Variants in GPIHBP1 observed in about 807,000 individuals in gnomAD.
The protein encoded by GPIHBP1 is glycosylphosphatidylinositol-anchored high density lipoprotein-binding protein 1.
Under a neutral mutation model 13.0 loss-of-function variants are expected in GPIHBP1, and 11 were observed. The observed-to-expected ratio is 0.84, with a 90% CI of 0.53 to 1.40. The LOEUF (loss-of-function observed/expected upper bound fraction) is 1.40. Ranked by LOEUF, GPIHBP1 falls within the 40% of genes most tolerant of loss-of-function variation. GPIHBP1 has a pLI of 0.00. For synonymous variants in GPIHBP1, 106 were observed against 102.2 expected, an observed-to-expected ratio of 1.04 and a Z score of -0.22; for missense variants, 231 against 241.1, an observed-to-expected ratio of 0.96 and a Z score of 0.28.
chr8:143,214,995 AG>A lies in GPIHBP1; in HGVS notation c.182-17del, dbSNP rs912544443. 5 of 1,535,360 alleles carry A rather than the reference AG, an allele frequency of 3.3e-6. No individual in the cohort carries two copies. In the African/African-American group the frequency reaches 5.5e-5, roughly 17 times the overall value. On this transcript the variant is annotated splice_polypyrimidine_tract_variant and intron_variant, in intron 2 of 3. Transcript: ENST00000622500. This position sits in a 1 kb window ranked among gnomAD's most constrained non-coding sequence, Gnocchi z 4.1. The stretch of plus-strand genomic sequence containing the variant: ...CCCTGGGGGGCCCGGCCTCGGCCTG[AG>A]CCCGCCTTGTCCCCAGTGCTGCTGC...
rs778925891 is a variant in GPIHBP1 at position 143,213,968 on chromosome 8, C to G, written c.181+18C>G. ...GAGCAGAGGTATGGCCGCCCCAACCCCAGAGCCCTGCTGCCTGATCTGCCT... is the reference window on the plus strand; with the variant it reads ...GAGCAGAGGTATGGCCGCCCCAACCGCAGAGCCCTGCTGCCTGATCTGCCT... On this transcript the variant is annotated intron_variant, in intron 2 of 3. Transcript: ENST00000622500. 2 of 1,550,026 alleles carry G rather than the reference C, an allele frequency of 1.3e-6. No homozygotes were observed. Among genetic ancestry groups the G allele is most frequent in the South Asian group, 1.2e-5 (1 of 84,002 alleles).
At position 143,215,022 on chromosome 8, in the gene GPIHBP1, G is replaced by A. The variant is rs578073937; in HGVS notation, c.191G>A (p.Arg64Gln). 9.4e-5 allele frequency: 148 copies of A among 1,575,400 alleles called. No homozygotes were observed. The highest frequency in any genetic ancestry group is 1.2e-4 in the Non-Finnish European group (135 of 1,160,934). The change falls in exon 3 of 4, where the codon CGG becomes CAG. Residue 64 changes from arginine to glutamine, a missense_variant. Coordinates refer to ENST00000622500, the MANE Select transcript of GPIHBP1 (RefSeq NM_178172.6). ...LPGGRSRVLL[R>Q]CYTCKSLPRD... ...CCCGCCTTGTCCCCAGTGCTGCTGC[G>A]GTGCTACACCTGCAAGTCCCTGCCC...
In GPIHBP1 at chr8:143,213,925, C is replaced by T; in HGVS notation, c.156C>T (p.Asn52=). 1 of 1,551,480 alleles carries T rather than the reference C, an allele frequency of 6.4e-7. No individual in the cohort carries two copies. Among genetic ancestry groups the T allele is most frequent in the Non-Finnish European group, 8.7e-7 (1 of 1,147,034 alleles). ...ATGAGGTGGAAGAGGAGGAGACCAA[C>T]AGGCTCCCTGGTGGCAGGAGCAGAG... ...DEDEVEEEET[N]RLPGGRSRVL... is the part of the protein sequence containing the mutation. Residue 52 remains asparagine, a synonymous_variant, in exon 2 of 4, where the codon AAC becomes AAT. Coordinates refer to ENST00000622500, the MANE Select transcript of GPIHBP1 (RefSeq NM_178172.6).
At position 143,213,279 on chromosome 8, in the gene GPIHBP1, C is replaced by G; in HGVS notation, c.12C>G (p.Leu4=). The change falls in exon 1 of 4, where the codon CTC becomes CTG. Residue 4 remains leucine, a synonymous_variant. Coordinates refer to ENST00000622500, the MANE Select transcript of GPIHBP1 (RefSeq NM_178172.6). MKA[L]GAVLLALLLF... ...CAGCGTCCGGCGAGATGAAGGCGCT[C>G]GGGGCTGTCCTGCTTGCCCTCTTGC... 1 of 1,595,784 alleles carries G rather than the reference C, an allele frequency of 6.3e-7. No homozygotes were observed. Among genetic ancestry groups the G allele is most frequent in the Non-Finnish European group, 8.5e-7 (1 of 1,175,340 alleles).
chr8:143,213,402 G>T, intron 1 of GPIHBP1, 83 bp downstream of exon 1: 1 of 1,185,880 alleles, frequency 8.4e-7, no homozygotes, highest in Non-Finnish European at 1.2e-6. Context: ...CCCCCAGCAG[G>T]GGCTTAGGAA....
intron 1 of GPIHBP1, 106 bp from the exon 2 acceptor site, chr8:143,213,716 G>C: frequency 2.0e-6 from 3 of 1,492,728 alleles, no homozygotes; most frequent in Non-Finnish European, 1.8e-6. Flanking sequence ...CCTGGGGCCC[G>C]AGGATGGCTG....
Position 143,214,998 on chromosome 8 carries a change from C to G in GPIHBP1, c.182-15C>G, listed in dbSNP as rs768749238. 7 of 1,543,434 alleles carry G rather than the reference C, an allele frequency of 4.5e-6. No homozygotes were observed. The Admixed American group carries it at 1.4e-4, about 30-fold the overall frequency. The stretch of plus-strand genomic sequence containing the variant: ...TGGGGGGCCCGGCCTCGGCCTGAGC[C>G]CGCCTTGTCCCCAGTGCTGCTGCGG... On this transcript the variant is annotated splice_polypyrimidine_tract_variant and intron_variant, in intron 2 of 3. Transcript: ENST00000622500. The surrounding 1 kb of genome is among the most constrained non-coding windows in gnomAD (Gnocchi z 4.1).
chr8:143,214,958 C>G lies in GPIHBP1; in HGVS notation c.182-55C>G. The G allele has an allele frequency of 8.4e-7, 1 of 1,193,342 alleles. No individual in the cohort carries two copies. Among genetic ancestry groups the G allele is most frequent in the Non-Finnish European group, 1.2e-6 (1 of 824,240 alleles). The allele number at this position is 1,193,342 out of a possible 1,614,324, so 73.9% of individuals were successfully genotyped here. ...CTGAGAACGGGGAGGTGGACAGGGA[C>G]GTGGGAGGAGACCCTGGGGGGCCCG... On this transcript the variant is annotated intron_variant, in intron 2 of 3. Coordinates refer to ENST00000622500, the MANE Select transcript of GPIHBP1 (RefSeq NM_178172.6). This position sits in a 1 kb window ranked among gnomAD's most constrained non-coding sequence, Gnocchi z 4.1.
chr8:143,213,452 C>G (rs1816251050), intron 1 of GPIHBP1, 133 bp downstream of exon 1: 2 of 789,502 alleles, frequency 2.5e-6, no homozygotes, highest in Non-Finnish European at 4.1e-6. Context: ...CCCAGAGCAG[C>G]ATGGATGGAA....
chr8:143,214,311 T>C lies in GPIHBP1; in HGVS notation c.181+361T>C, dbSNP rs1252711184. Among the ~76,000 whole-genome samples the C allele has an allele frequency of 6.6e-6, 1 of 151,982 alleles. No homozygotes were observed. Among genetic ancestry groups the C allele is most frequent in the Admixed American group, 6.6e-5 (1 of 15,248 alleles). Reference sequence around the variant, plus strand: ...AGAGAGCAGCAGGGTGGGCCGGTCCTGTACAGGGGAGGGCTGGATTGGCTG... The same window carrying C: ...AGAGAGCAGCAGGGTGGGCCGGTCCCGTACAGGGGAGGGCTGGATTGGCTG... On this transcript the variant is annotated intron_variant, in intron 2 of 3. Transcript: ENST00000622500. The surrounding 1 kb of genome is among the most constrained non-coding windows in gnomAD (Gnocchi z 4.1).
chr8:143,215,682 C>T lies in GPIHBP1; in HGVS notation c.*164C>T. The stretch of plus-strand genomic sequence containing the variant: ...CCCGGCCCGGTTGCTTCCTCAGTTC[C>T]CGGCTGTGTCCTTGGTGTCCTTTCT... On this transcript the variant is annotated 3_prime_UTR_variant, in exon 4 of 4. Coordinates refer to ENST00000622500, the MANE Select transcript of GPIHBP1 (RefSeq NM_178172.6). 1 of 631,606 alleles carries T rather than the reference C, an allele frequency of 1.6e-6. No individual in the cohort carries two copies. The allele number at this position is 631,606 out of a possible 1,614,324, so 39.1% of individuals were successfully genotyped here.
In GPIHBP1 at chr8:143,215,736, C is replaced by T. The variant is rs1816298838; in HGVS notation, c.*218C>T. On this transcript the variant is annotated 3_prime_UTR_variant, in exon 4 of 4. Transcript: ENST00000622500. ...CCACCTGTGAGCAGCAAGACTGCCGCACGTGGGCGCTGGGTCCAGACCTCG... is the reference window on the plus strand; with the variant it reads ...CCACCTGTGAGCAGCAAGACTGCCGTACGTGGGCGCTGGGTCCAGACCTCG... 1.7e-6 allele frequency: 1 copy of T among 594,936 alleles called. No individual in the cohort carries two copies. Among genetic ancestry groups the T allele is most frequent in the South Asian group, 2.0e-5 (1 of 49,384 alleles). The allele number at this position is 594,936 out of a possible 1,614,324, so 36.9% of individuals were successfully genotyped here. A position where few individuals can be genotyped will look rare whatever the true frequency, so the allele number is the denominator to read the frequency against.
At position 143,213,233 on chromosome 8, in the gene GPIHBP1, G is replaced by A. The variant is rs899380026; in HGVS notation, c.-35G>A. On this transcript the variant is annotated 5_prime_UTR_variant, in exon 1 of 4. Coordinates refer to ENST00000622500, the MANE Select transcript of GPIHBP1 (RefSeq NM_178172.6). Reference sequence around the variant, plus strand: ...CCGCAGCTCCAGAGCCCTGCGGGAGGACTCAGAGTCAGGGACACAGCAGCG... The same window carrying A: ...CCGCAGCTCCAGAGCCCTGCGGGAGAACTCAGAGTCAGGGACACAGCAGCG... The A allele has an allele frequency of 2.5e-6, 4 of 1,576,476 alleles. No homozygotes were observed. The highest frequency in any genetic ancestry group is 2.6e-6 in the Non-Finnish European group (3 of 1,164,118).
In GPIHBP1 at chr8:143,213,262, G is replaced by A. The variant is rs113068416; in HGVS notation, c.-6G>A. The A allele has an allele frequency of 1.3e-5, 21 of 1,593,062 alleles. No homozygotes were observed. Among genetic ancestry groups the A allele is most frequent in the African/African-American group, 2.7e-5 (2 of 74,868 alleles). ...CAGAGTCAGGGACACAGCAGCGTCC[G>A]GCGAGATGAAGGCGCTCGGGGCTGT... On this transcript the variant is annotated 5_prime_UTR_variant, in exon 1 of 4. Coordinates refer to ENST00000622500, the MANE Select transcript of GPIHBP1 (RefSeq NM_178172.6).
Position 143,215,116 on chromosome 8 carries a change from C to G in GPIHBP1, c.285C>G (p.His95Gln). 6.2e-7 allele frequency: 1 copy of G among 1,612,406 alleles called. No individual in the cohort carries two copies. Among genetic ancestry groups the G allele is most frequent in the East Asian group, 2.2e-5 (1 of 44,872 alleles). ...HGQTCTTLIA[H>Q]GNTESGLLTT... ...AGACCTGCACAACCCTCATTGCCCACGGGAACACCGGTAAGTGGGCGTGGG... is the reference window on the plus strand; with the variant it reads ...AGACCTGCACAACCCTCATTGCCCAGGGGAACACCGGTAAGTGGGCGTGGG... The change falls in exon 3 of 4, where the codon CAC becomes CAG. Residue 95 changes from histidine (H) to glutamine (Q), a missense_variant. Physicochemically the swap from His to Gln is conservative, Grantham distance 24. Coordinates refer to ENST00000622500, the MANE Select transcript of GPIHBP1 (RefSeq NM_178172.6).
At position 143,213,869 on chromosome 8, in the gene GPIHBP1, G is replaced by T. The variant is rs367902033; in HGVS notation, c.100G>T (p.Gly34Trp). ...QEEEEEDEDH[G>W]PDDYDEEDED... ...GGAAGAGGAAGAGGACGAGGACCAC[G>T]GGCCAGATGACTACGACGAGGAAGA... The change falls in exon 2 of 4, where the codon GGG (glycine) becomes TGG (tryptophan). Residue 34 changes from glycine (G) to tryptophan (W), a missense_variant. Physicochemically the swap from Gly to Trp is radical, Grantham distance 184 (BLOSUM62 -2). Coordinates refer to ENST00000622500, the MANE Select transcript of GPIHBP1 (RefSeq NM_178172.6). 7 of 1,555,004 alleles carry T rather than the reference G, an allele frequency of 4.5e-6. No individual in the cohort carries two copies. Among genetic ancestry groups the T allele is most frequent in the East Asian group, 2.4e-5 (1 of 41,184 alleles).
Position 143,213,963 on chromosome 8 carries a change from C to T in GPIHBP1, c.181+13C>T. ...GGCAGGAGCAGAGGTATGGCCGCCC[C>T]AACCCCAGAGCCCTGCTGCCTGATC... is the stretch of plus-strand genomic sequence containing the variant. On this transcript the variant is annotated intron_variant, in intron 2 of 3. Coordinates refer to ENST00000622500, the MANE Select transcript of GPIHBP1 (RefSeq NM_178172.6). The T allele has an allele frequency of 2.6e-6, 4 of 1,550,350 alleles. No individual in the cohort carries two copies. The highest frequency in any genetic ancestry group is 3.5e-6 in the Non-Finnish European group (4 of 1,146,786).
Position 143,214,815 on chromosome 8 carries a change from G to GC in GPIHBP1, c.182-193dup, listed in dbSNP as rs1816275844. Among the ~76,000 whole-genome samples the GC allele has an allele frequency of 6.6e-6, 1 of 152,180 alleles. No individual in the cohort carries two copies. The highest frequency in any genetic ancestry group is 1.5e-5 in the Non-Finnish European group (1 of 68,022). The stretch of plus-strand genomic sequence containing the variant: ...CGCCCTGCCTGACCCGCAATCCCTT[G>GC]CCCCCTAAACACACAGGCTCACGCA... On this transcript the variant is annotated intron_variant, in intron 2 of 3. Coordinates refer to ENST00000622500, the MANE Select transcript of GPIHBP1 (RefSeq NM_178172.6). This position sits in a 1 kb window ranked among gnomAD's most constrained non-coding sequence, Gnocchi z 4.1.
Position 143,215,606 on chromosome 8 carries a change from C to A in GPIHBP1, c.*88C>A. The A allele has an allele frequency of 8.6e-7, 1 of 1,162,078 alleles. No individual in the cohort carries two copies. Among genetic ancestry groups the A allele is most frequent in the Non-Finnish European group, 1.2e-6 (1 of 831,982 alleles). 72.0% of individuals were successfully genotyped at this position (1,162,078 alleles called of 1,614,324 possible). A position where few individuals can be genotyped will look rare whatever the true frequency, so the allele number is the denominator to read the frequency against. ...CCTTCCCCTCCTGCCCCTGCACCAG[C>A]TTTGGAGAATGGATTTGGAGTGTCT... On this transcript the variant is annotated 3_prime_UTR_variant, in exon 4 of 4. Coordinates refer to ENST00000622500, the MANE Select transcript of GPIHBP1 (RefSeq NM_178172.6).
Sources: gnomAD v4.1 joint callset for allele counts (sites outside exome capture counted in the v4.1 genomes callset) on GRCh38, gnomAD v4.1.1 for gene constraint, Gnocchi (gnomAD v3.1) non-coding constraint, MANE v1.5 for transcripts, NCBI Gene and HGNC (gene_info 2026-07-23, HGNC 2026-07-21) for gene names.